Variants in MLLT3 observed in about 807,000 individuals in gnomAD.
The protein encoded by MLLT3 is protein AF-9.
A neutral mutation model predicts 53.2 loss-of-function variants in MLLT3; 4 were observed. The observed-to-expected ratio is 0.08, with a 90% CI of 0.04 to 0.17. The LOEUF is 0.17. MLLT3 is among the 10% of genes least tolerant of loss of function. The pLI, the probability that MLLT3 is intolerant of heterozygous loss-of-function variation, is 1.00. For synonymous variants in MLLT3, 283 were observed against 230.6 expected (o/e 1.23, Z -2.06); for missense variants, 569 against 684.0 (o/e 0.83, Z 1.87).
chr9:20,356,219 A>C (rs1427842985), intron 8 of MLLT3, among the ~76,000 whole-genome samples: 1 of 152,234 alleles, frequency 6.6e-6, no homozygotes, highest in African/African-American at 2.4e-5. Flanking sequence ...GTGTCCTTTT[A>C]ACAGTCTTTC....
intron 2 of MLLT3, among the ~76,000 whole-genome samples, chr9:20,475,289 C>A (rs1824492252): frequency 6.6e-6 from 1 of 151,994 alleles, no homozygotes. Flanking sequence ...AAGAGGGTAG[C>A]CAAACAGGTA....
chr9:20,590,891 C>T lies in MLLT3; in HGVS notation c.193+29763G>A, dbSNP rs1250649503. Among the ~76,000 whole-genome samples the T allele has an allele frequency of 3.4e-5, 5 of 147,808 alleles. No individual in the cohort carries two copies. In the East Asian group the frequency reaches 7.8e-4, roughly 23 times the overall value. The stretch of plus-strand genomic sequence containing the variant: ...GTTGGGATGGATGATGGACATGCAT[C>T]ACCATACTTAGCTAATTTTTTTTTT... On this transcript the variant is annotated intron_variant, in intron 2 of 10. Coordinates refer to ENST00000380338, the MANE Select transcript of MLLT3 (RefSeq NM_004529.4).
intron 4 of MLLT3, among the ~76,000 whole-genome samples, chr9:20,416,476 T>A (rs1224956132): frequency 1.3e-5 from 2 of 152,088 alleles, no homozygotes; most frequent in African/African-American, 4.8e-5. Flanking sequence ...GATATATTTT[T>A]AAAATCCTTC....
intron 2 of MLLT3, among the ~76,000 whole-genome samples, chr9:20,513,410 G>A (rs1335065987): frequency 6.6e-6 from 1 of 152,196 alleles, no homozygotes; most frequent in Non-Finnish European, 1.5e-5. Context: ...ACAAATTGGT[G>A]AGAGGAGGAG....
At chr9:20,501,017 C>A (rs1263878321) in intron 2 of MLLT3, among the ~76,000 whole-genome samples, 1 of 152,122 alleles carries the variant, frequency 6.6e-6, no homozygotes, top group Non-Finnish European at 1.5e-5. Context: ...CACACAGATA[C>A]ACACACACAT....
intron 2 of MLLT3, among the ~76,000 whole-genome samples, chr9:20,541,916 C>G (rs902646586): frequency 6.6e-6 from 1 of 152,178 alleles, no homozygotes; most frequent in African/African-American, 2.4e-5. Context: ...TCATCAAATT[C>G]TTCCAAAATC....
At chr9:20,572,542 C>G (rs372551889) in intron 2 of MLLT3, among the ~76,000 whole-genome samples, 1 of 152,068 alleles carries the variant, frequency 6.6e-6, no homozygotes, top group Admixed American at 6.6e-5. Flanking sequence ...GCCTGTAATC[C>G]CAGCACTTTG....
intron 3 of MLLT3, among the ~76,000 whole-genome samples, chr9:20,449,825 A>G (rs1393950233): frequency 6.6e-6 from 1 of 152,010 alleles, no homozygotes; most frequent in African/African-American, 2.4e-5. Flanking sequence ...TTTACTGGCT[A>G]TTCCTTCTCA....
At chr9:20,467,534 T>C (rs1003265228) in intron 2 of MLLT3, among the ~76,000 whole-genome samples, 3 of 152,146 alleles carry the variant, frequency 2.0e-5, no homozygotes, top group Non-Finnish European at 4.4e-5. Flanking sequence ...GCCGAGATCA[T>C]GCCATTGCAC....
chr9:20,360,242 C>G (rs997009364), intron 8 of MLLT3, among the ~76,000 whole-genome samples: 1 of 152,218 alleles, frequency 6.6e-6, no homozygotes, highest in Non-Finnish European at 1.5e-5. Flanking sequence ...GGGCTGTGCA[C>G]TGCCTTTTGC....
intron 2 of MLLT3, among the ~76,000 whole-genome samples, chr9:20,576,797 A>T (rs1302691957): frequency 6.6e-6 from 1 of 152,190 alleles, no homozygotes; most frequent in Non-Finnish European, 1.5e-5. Context: ...GAAATGGAGC[A>T]AATAGATTTG....
chr9:20,546,536 C>T (rs943611808), intron 2 of MLLT3, among the ~76,000 whole-genome samples: 1 of 128,538 alleles, frequency 7.8e-6, no homozygotes, highest in South Asian at 2.6e-4. Flanking sequence ...AGAGCAAGAA[C>T]CTATCACTTA....
chr9:20,414,874 T>A (rs1172702899), intron 4 of MLLT3, among the ~76,000 whole-genome samples: 3 of 152,068 alleles, frequency 2.0e-5, no homozygotes, highest in Non-Finnish European at 4.4e-5. Context: ...AGAAGTAACA[T>A]CTGAATTAGG....
chr9:20,392,872 A>G lies in MLLT3; in HGVS notation c.1125+20849T>C, dbSNP rs575070247. Among the ~76,000 whole-genome samples, 3 of 152,282 alleles carry G rather than the reference A, an allele frequency of 2.0e-5. No homozygotes were observed. In the South Asian group the frequency reaches 6.2e-4, roughly 32 times the overall value. The stretch of plus-strand genomic sequence containing the variant: ...CCAGGTCCTCTTCTACCTTATCCTA[A>G]GGTATCATTAAAAGACTGATGACCT... On this transcript the variant is annotated intron_variant, in intron 5 of 10. Coordinates refer to ENST00000380338, the MANE Select transcript of MLLT3 (RefSeq NM_004529.4).
At chr9:20,405,219 G>A (rs1166778046) in intron 5 of MLLT3, among the ~76,000 whole-genome samples, 1 of 152,058 alleles carries the variant, frequency 6.6e-6, no homozygotes, top group African/African-American at 2.4e-5. Context: ...ATGATATTAG[G>A]TTACATAAAG....
At chr9:20,358,820 A>G (rs1053410248) in intron 8 of MLLT3, among the ~76,000 whole-genome samples, 7 of 152,076 alleles carry the variant, frequency 4.6e-5, no homozygotes, top group Non-Finnish European at 8.8e-5. Context: ...TATACCACCC[A>G]CTGGATACAG....
chr9:20,346,249 C>A lies in MLLT3; in HGVS notation c.*194G>T, dbSNP rs1587135044. Reference sequence around the variant, plus strand: ...CTGAGGCTGGTTTGCTTTAACCTCTCCTTTATCAAGAGATGATGACTGGCT... The same window carrying A: ...CTGAGGCTGGTTTGCTTTAACCTCTACTTTATCAAGAGATGATGACTGGCT... On this transcript the variant is annotated 3_prime_UTR_variant, in exon 11 of 11. Transcript: ENST00000380338. 1.8e-6 allele frequency: 1 copy of A among 571,180 alleles called. No homozygotes were observed. Among genetic ancestry groups the A allele is most frequent in the East Asian group, 3.2e-5 (1 of 30,774 alleles). The allele number at this position is 571,180 out of a possible 1,614,324, so 35.4% of individuals were successfully genotyped here. A position where few individuals can be genotyped will look rare whatever the true frequency, so the allele number is the denominator to read the frequency against.
intron 8 of MLLT3, 119 bp from the exon 9 acceptor site, chr9:20,354,998 C>T (rs572207004): frequency 4.2e-5 from 21 of 499,770 alleles, no homozygotes; most frequent in African/African-American, 4.0e-4. Context: ...TTCCAAATAG[C>T]ATTTCTTTTC....
chr9:20,401,226 G>GT (rs1563951213), intron 5 of MLLT3, among the ~76,000 whole-genome samples: 2 of 152,060 alleles, frequency 1.3e-5, no homozygotes, highest in African/African-American at 4.8e-5. Context: ...CTTAAGCATT[G>GT]TATTATCCCC....
Sources: allele counts gnomAD v4.1 joint callset (sites outside exome capture counted in the v4.1 genomes callset), GRCh38; gene constraint gnomAD v4.1.1; transcripts MANE v1.5; gene names NCBI Gene and HGNC (gene_info 2026-07-23, HGNC 2026-07-21).